The following PIK3R5 variants were observed in gnomAD, a reference collection of about 807,000 sequenced individuals.
The protein encoded by PIK3R5 is phosphoinositide-3-kinase regulatory subunit 5.
PIK3R5 carries 32 observed loss-of-function variants against 94.9 expected under a neutral mutation model. The observed-to-expected ratio is 0.34, with a 90% CI of 0.25 to 0.45. The LOEUF is 0.45. Among genes scored for constraint, PIK3R5 ranks in the 20% least tolerant of loss-of-function variants. The probability of loss-of-function intolerance (pLI) is 1.00; values close to 1 mark genes in which losing one functional copy is unlikely to be tolerated. For missense variants in PIK3R5, 853 were observed against 1,144.6 expected, an observed-to-expected ratio of 0.75 and a Z score of 3.68; for synonymous variants, 443 against 479.4, an observed-to-expected ratio of 0.92 and a Z score of 0.99.
chr17:8,914,094 T>C (rs2090584768), intron 1 of PIK3R5, among the ~76,000 whole-genome samples: 1 of 152,156 alleles, frequency 6.6e-6, no homozygotes, highest in African/African-American at 2.4e-5. Flanking sequence ...ACCAGACACC[T>C]TCACATGGAT....
chr17:8,911,354 T>C lies in PIK3R5; in HGVS notation c.103+38A>G. On this transcript the variant is annotated intron_variant, in intron 2 of 18. Transcript: ENST00000447110. This position sits in a 1 kb window ranked among gnomAD's most constrained non-coding sequence, Gnocchi z 5.3. ...CCCACCGTGGCCCCTGAGGCTTCCT[T>C]GAGCCCTCAAACACCTCCCCGGCTC... 1 of 1,526,786 alleles carries C rather than the reference T, an allele frequency of 6.5e-7. No homozygotes were observed. Among genetic ancestry groups the C allele is most frequent in the Non-Finnish European group, 9.0e-7 (1 of 1,114,650 alleles). 94.6% of individuals were successfully genotyped at this position (1,526,786 alleles called of 1,614,324 possible). A position where few individuals can be genotyped will look rare whatever the true frequency, so the allele number is the denominator to read the frequency against.
rs527657994 is a variant in PIK3R5, at chr17:8,909,390, A to G, written c.104-216T>C. ...CTGCAACCTCTGCCTCCCGGGTTCA[A>G]GCGATTCCCCTGCCTCAGCCTCCCA... On this transcript the variant is annotated intron_variant, in intron 2 of 18. Transcript: ENST00000447110. This position sits in a 1 kb window ranked among gnomAD's most constrained non-coding sequence, Gnocchi z 4.3. Among the ~76,000 whole-genome samples, 1 of 152,162 alleles carries G rather than the reference A, an allele frequency of 6.6e-6. No homozygotes were observed. The highest frequency in any genetic ancestry group is 2.4e-5 in the African/African-American group (1 of 41,506).
rs1185049221 is a variant in PIK3R5, at chr17:8,884,429, A to T, written c.2205+278T>A. Reference sequence around the variant, plus strand: ...TTCCCCCTTTCAGCCCCAGCCCTGTAGCCAGGCCCAGCAGACCCCTACCCC... The same window carrying T: ...TTCCCCCTTTCAGCCCCAGCCCTGTTGCCAGGCCCAGCAGACCCCTACCCC... On this transcript the variant is annotated intron_variant, in intron 15 of 18. Coordinates refer to ENST00000447110, the MANE Select transcript of PIK3R5 (RefSeq NM_001142633.3). The surrounding 1 kb of genome is among the most constrained non-coding windows in gnomAD (Gnocchi z 5.8). 6.6e-6 allele frequency among the ~76,000 whole-genome samples: 1 copy of T among 151,392 alleles called. No homozygotes were observed. The highest frequency in any genetic ancestry group is 1.5e-5 in the Non-Finnish European group (1 of 67,922).
In PIK3R5 at chr17:8,958,797, T is replaced by C. The variant is rs188609429; in HGVS notation, c.-14+6799A>G. On this transcript the variant is annotated intron_variant, in intron 1 of 18. Transcript: ENST00000447110. ...TTCTGAGATGAAGTTTCCCTCTTGT[T>C]GCTTGGGCTGGAGTGCAATGGCGCG... Among the ~76,000 whole-genome samples, 111 of 151,908 alleles carry C rather than the reference T, an allele frequency of 7.3e-4. 1 individual carries two copies. The highest frequency in any genetic ancestry group is 2.4e-3 in the African/African-American group (101 of 41,424).
At chr17:8,926,611 A>T (rs1256327077) in intron 1 of PIK3R5, among the ~76,000 whole-genome samples, 1 of 152,176 alleles carries the variant, frequency 6.6e-6, no homozygotes, top group Non-Finnish European at 1.5e-5. Flanking sequence ...AGAACCATCA[A>T]ATCACGTGAG....
In PIK3R5 at chr17:8,881,585, G is replaced by T; in HGVS notation, c.2382+45C>A. 6.6e-7 allele frequency: 1 copy of T among 1,512,144 alleles called. No individual in the cohort carries two copies. Among genetic ancestry groups the T allele is most frequent in the Non-Finnish European group, 9.1e-7 (1 of 1,094,546 alleles). The allele number at this position is 1,512,144 out of a possible 1,614,324, so 93.7% of individuals were successfully genotyped here. ...CACACATACGCACATGCACGCTCCA[G>T]TAAGTCTCTTGAGGGTATGGCTGGA... is the stretch of plus-strand genomic sequence containing the variant. On this transcript the variant is annotated intron_variant, in intron 17 of 18. Coordinates refer to ENST00000447110, the MANE Select transcript of PIK3R5 (RefSeq NM_001142633.3). This position sits in a 1 kb window ranked among gnomAD's most constrained non-coding sequence, Gnocchi z 4.8.
chr17:8,950,489 T>C (rs899574716), intron 1 of PIK3R5, among the ~76,000 whole-genome samples: 7 of 152,188 alleles, frequency 4.6e-5, no homozygotes, highest in Non-Finnish European at 7.3e-5. Flanking sequence ...ATTGCTCCCA[T>C]GTTTATGTCT....
rs1277437644 is a variant in PIK3R5 at position 8,957,122 on chromosome 17, C to G, written c.-14+8474G>C. Reference sequence around the variant, plus strand: ...GTTCTCAGAACAACCAGCGTTTACACAACCAGTCAGACATGGCCACCATGA... The same window carrying G: ...GTTCTCAGAACAACCAGCGTTTACAGAACCAGTCAGACATGGCCACCATGA... On this transcript the variant is annotated intron_variant, in intron 1 of 18. Coordinates refer to ENST00000447110, the MANE Select transcript of PIK3R5 (RefSeq NM_001142633.3). Among the ~76,000 whole-genome samples, 5 of 152,328 alleles carry G rather than the reference C, an allele frequency of 3.3e-5. No homozygotes were observed. The East Asian group carries it at 7.7e-4, about 24-fold the overall frequency.
chr17:8,926,098 C>T (rs925446866), intron 1 of PIK3R5, among the ~76,000 whole-genome samples: 9 of 152,188 alleles, frequency 5.9e-5, no homozygotes, highest in Admixed American at 2.0e-4. Flanking sequence ...GAGGAGAACA[C>T]GATGTGACAG....
chr17:8,959,545 A>T (rs1185466546), intron 1 of PIK3R5, among the ~76,000 whole-genome samples: 2 of 151,972 alleles, frequency 1.3e-5, no homozygotes, highest in Non-Finnish European at 2.9e-5. Context: ...AGAGTTTGAG[A>T]CTCTCCTCGA....
intron 5 of PIK3R5, among the ~76,000 whole-genome samples, chr17:8,901,323 G>A (rs1287494571): frequency 6.6e-6 from 1 of 152,192 alleles, no homozygotes; most frequent in African/African-American, 2.4e-5. Context: ...ATGAGGTGAG[G>A]ACCTTGTTAT....
In PIK3R5 at chr17:8,888,296, T is replaced by G; in HGVS notation, c.1491A>C (p.Ser497=). 2 of 1,612,652 alleles carry G rather than the reference T, an allele frequency of 1.2e-6. No homozygotes were observed. Among genetic ancestry groups the G allele is most frequent in the Non-Finnish European group, 8.5e-7 (1 of 1,179,702 alleles). Residue 497 remains serine, a synonymous_variant, in exon 10 of 19, where the codon TCA becomes TCC. Coordinates refer to ENST00000447110, the MANE Select transcript of PIK3R5 (RefSeq NM_001142633.3). This position sits in a 1 kb window ranked among gnomAD's most constrained non-coding sequence, Gnocchi z 7.8. ...QLPSWLLAPA[S]RPQRRRPFLS... ...GGAAGGGGCGGCGGCGCTGGGGGCG[T>G]GAAGCAGGGGCCAGAAGCCAGCTGG...
chr17:8,898,463 G>A (rs1028060637), intron 5 of PIK3R5, among the ~76,000 whole-genome samples: 1 of 152,222 alleles, frequency 6.6e-6, no homozygotes, highest in African/African-American at 2.4e-5. Context: ...ACAGCTTTAT[G>A]CAAATGTGAA....
intron 1 of PIK3R5, among the ~76,000 whole-genome samples, chr17:8,949,666 G>GA (rs1238642137): frequency 6.6e-6 from 1 of 152,192 alleles, no homozygotes; most frequent in Admixed American, 6.5e-5. Context: ...CTCAGGAATG[G>GA]AAAACCGAAC....
Position 8,893,214 on chromosome 17 carries a change from G to C in PIK3R5, c.482+372C>G, listed in dbSNP as rs1227047071. On this transcript the variant is annotated intron_variant, in intron 6 of 18. Coordinates refer to ENST00000447110, the MANE Select transcript of PIK3R5 (RefSeq NM_001142633.3). This position sits in a 1 kb window ranked among gnomAD's most constrained non-coding sequence, Gnocchi z 5.1. ...ATCATGGGCTTCTGAATAAGCCTGAGGGTTAAATTCTGGCTCGTACCCTTG... is the reference window on the plus strand; with the variant it reads ...ATCATGGGCTTCTGAATAAGCCTGACGGTTAAATTCTGGCTCGTACCCTTG... 6.6e-6 allele frequency among the ~76,000 whole-genome samples: 1 copy of C among 152,104 alleles called. No homozygotes were observed. The highest frequency in any genetic ancestry group is 1.5e-5 in the Non-Finnish European group (1 of 68,030).
At position 8,904,954 on chromosome 17, in the gene PIK3R5, G is replaced by A. The variant is rs147844909; in HGVS notation, c.274-39C>T. On this transcript the variant is annotated intron_variant, in intron 4 of 18. Coordinates refer to ENST00000447110, the MANE Select transcript of PIK3R5 (RefSeq NM_001142633.3). The surrounding 1 kb of genome is among the most constrained non-coding windows in gnomAD (Gnocchi z 5.1). ...AGGCAACAAGCAAAGAGATCTAGGTGAGAAAAGGCTCAGATAGTCCCAGAC... is the reference window on the plus strand; with the variant it reads ...AGGCAACAAGCAAAGAGATCTAGGTAAGAAAAGGCTCAGATAGTCCCAGAC... 800 of 1,602,950 alleles carry A rather than the reference G, an allele frequency of 5.0e-4. 4 individuals carry two copies. In the African/African-American group the frequency reaches 9.4e-3, roughly 19 times the overall value.
chr17:8,924,333 C>T (rs2090823405), intron 1 of PIK3R5, among the ~76,000 whole-genome samples: 1 of 151,738 alleles, frequency 6.6e-6, no homozygotes, highest in African/African-American at 2.4e-5. Flanking sequence ...CTGGCTTCAG[C>T]CTCCCAAAGT....
At chr17:8,908,928 C>G (rs898547765) in intron 3 of PIK3R5, 146 bp downstream of exon 3, 1 of 592,094 alleles carries the variant, frequency 1.7e-6, no homozygotes, top group African/African-American at 1.9e-5. Flanking sequence ...CAAGTGCTAC[C>G]GAAACACAAA....
In PIK3R5 at chr17:8,892,505, G is replaced by A. The variant is rs116721420; in HGVS notation, c.482+1081C>T. On this transcript the variant is annotated intron_variant, in intron 6 of 18. Transcript: ENST00000447110. The surrounding 1 kb of genome is among the most constrained non-coding windows in gnomAD (Gnocchi z 4.3). ...ATGTGAAAAATCCCTTTCTCACGGG[G>A]TTAACGTGAGGATTAAATGAGTCAG... Among the ~76,000 whole-genome samples the A allele has an allele frequency of 0.01, 1,586 of 152,156 alleles. 34 individuals carry two copies. Among genetic ancestry groups the A allele is most frequent in the African/African-American group, 0.036 (1,491 of 41,498 alleles).
Sources: allele counts gnomAD v4.1 joint callset (sites outside exome capture counted in the v4.1 genomes callset), GRCh38; gene constraint gnomAD v4.1.1; non-coding constraint Gnocchi (gnomAD v3.1); transcripts MANE v1.5; gene names NCBI Gene and HGNC (gene_info 2026-07-23, HGNC 2026-07-21).